Variants in EXOC6B observed in about 807,000 individuals in gnomAD.
EXOC6B encodes exocyst complex component 6B.
Under a neutral mutation model 113.5 loss-of-function variants are expected in EXOC6B, and 54 were observed. The observed-to-expected ratio is 0.48, with a 90% CI of 0.38 to 0.60. The LOEUF (loss-of-function observed/expected upper bound fraction) is 0.60, where lower values mean the gene tolerates loss of function less well. EXOC6B is among the 20% of genes least tolerant of loss of function. The pLI is 0.00. For synonymous variants in EXOC6B, 357 were observed against 339.0 expected (o/e 1.05, Z -0.58); for missense variants, 797 against 977.5 (o/e 0.82, Z 2.46).
intron 6 of EXOC6B, among the ~76,000 whole-genome samples, chr2:72,599,290 T>C (rs1670259972): frequency 6.6e-6 from 1 of 151,868 alleles, no homozygotes; most frequent in Admixed American, 6.6e-5. Flanking sequence ...ATCCATAGGT[T>C]AAAAAAGACA....
Position 72,274,984 on chromosome 2 carries a change from T to C in EXOC6B, c.2196+59963A>G, listed in dbSNP as rs553888658. Among the ~76,000 whole-genome samples, 27 of 152,298 alleles carry C rather than the reference T, an allele frequency of 1.8e-4. 1 individual carries two copies. The South Asian group carries it at 4.8e-3, about 27-fold the overall frequency. The stretch of plus-strand genomic sequence containing the variant: ...AACAGAATGATGCAGAGTTCTTTTT[T>C]ATTCAGTGTGACAAAGGGATGAGAT... On this transcript the variant is annotated intron_variant, in intron 20 of 21. Coordinates refer to ENST00000272427, the MANE Select transcript of EXOC6B (RefSeq NM_015189.3).
chr2:72,295,993 C>T (rs1046291036), intron 20 of EXOC6B, among the ~76,000 whole-genome samples: 2 of 152,032 alleles, frequency 1.3e-5, no homozygotes, highest in African/African-American at 4.8e-5. Flanking sequence ...AATACAAGGA[C>T]ATCCCCTTAA....
At chr2:72,250,973 G>C (rs923161149) in intron 20 of EXOC6B, among the ~76,000 whole-genome samples, 1 of 151,686 alleles carries the variant, frequency 6.6e-6, no homozygotes, top group Non-Finnish European at 1.5e-5. Context: ...GAGTAGCTGG[G>C]TTAGTTGAGT....
chr2:72,482,436 T>C (rs1281480366), intron 16 of EXOC6B, among the ~76,000 whole-genome samples: 1 of 151,810 alleles, frequency 6.6e-6, no homozygotes, highest in African/African-American at 2.4e-5. Context: ...GCGGGGAGTT[T>C]TGGTGTGTAA....
At chr2:72,210,501 C>T (rs1680121828) in intron 20 of EXOC6B, among the ~76,000 whole-genome samples, 1 of 152,192 alleles carries the variant, frequency 6.6e-6, no homozygotes, top group African/African-American at 2.4e-5. Flanking sequence ...CCAGACACAA[C>T]AGATACTCAA....
At chr2:72,506,650 C>G (rs990894715) in intron 11 of EXOC6B, among the ~76,000 whole-genome samples, 1 of 152,068 alleles carries the variant, frequency 6.6e-6, no homozygotes, top group East Asian at 1.9e-4. Flanking sequence ...GTATTAATAA[C>G]CTAGTCTTCT....
intron 19 of EXOC6B, among the ~76,000 whole-genome samples, chr2:72,347,693 T>G (rs1231489720): frequency 1.3e-5 from 2 of 152,178 alleles, no homozygotes; most frequent in African/African-American, 4.8e-5. Flanking sequence ...TTTGTATTCT[T>G]TCAAAATCCA....
chr2:72,282,637 C>T (rs962740284), intron 20 of EXOC6B, among the ~76,000 whole-genome samples: 5 of 151,928 alleles, frequency 3.3e-5, no homozygotes, highest in Non-Finnish European at 5.9e-5. Context: ...CTTATTAGAA[C>T]AAAGAAGCAA....
At chr2:72,463,275 G>A (rs1029079292) in intron 18 of EXOC6B, 1 of 151,914 alleles carries the variant, frequency 6.6e-6, no homozygotes, top group Non-Finnish European at 1.5e-5. Flanking sequence ...TTTGGTATCA[G>A]GATAAAGCTA....
intron 18 of EXOC6B, among the ~76,000 whole-genome samples, chr2:72,386,028 T>C (rs1052080676): frequency 6.6e-6 from 1 of 152,080 alleles, no homozygotes; most frequent in African/African-American, 2.4e-5. Flanking sequence ...CCAAAGGATA[T>C]GAAATCAGTA....
chr2:72,391,383 C>T (rs776760532), intron 18 of EXOC6B, among the ~76,000 whole-genome samples: 1 of 152,014 alleles, frequency 6.6e-6, no homozygotes, highest in South Asian at 2.1e-4. Flanking sequence ...TGTCCTCTGG[C>T]CTTCATCATT....
intron 20 of EXOC6B, among the ~76,000 whole-genome samples, chr2:72,218,534 T>C (rs1309020275): frequency 6.6e-6 from 1 of 152,208 alleles, no homozygotes; most frequent in Non-Finnish European, 1.5e-5. Context: ...CTTCACTGTC[T>C]TCTGACACTG....
chr2:72,315,166 G>C (rs951504928), intron 20 of EXOC6B, among the ~76,000 whole-genome samples: 2 of 152,142 alleles, frequency 1.3e-5, no homozygotes, highest in Non-Finnish European at 2.9e-5. Flanking sequence ...ACCTGAACAA[G>C]ATGAAGGAAC....
chr2:72,632,814 T>G (rs536699006), intron 6 of EXOC6B, among the ~76,000 whole-genome samples: 1 of 152,250 alleles, frequency 6.6e-6, no homozygotes. Context: ...CCCAAATAGC[T>G]GGGACTACAG....
chr2:72,192,413 A>G (rs528320472), intron 20 of EXOC6B, among the ~76,000 whole-genome samples: 11 of 152,322 alleles, frequency 7.2e-5, no homozygotes, highest in Middle Eastern at 3.4e-3. Flanking sequence ...AGAAGGAAGC[A>G]TCAAACAGGA....
intron 8 of EXOC6B, among the ~76,000 whole-genome samples, chr2:72,549,519 G>A (rs546033156): frequency 5.3e-5 from 8 of 152,288 alleles, no homozygotes; most frequent in Non-Finnish European, 1.2e-4. Context: ...TGACTACATA[G>A]ATGATACTAT....
At chr2:72,559,626 C>T (rs1703770620) in intron 7 of EXOC6B, 105 bp from the exon 8 acceptor site, 1 of 799,328 alleles carries the variant, frequency 1.3e-6, no homozygotes, top group African/African-American at 1.8e-5. Flanking sequence ...AAGGCCAGTT[C>T]TAGCTTGTAA....
intron 1 of EXOC6B, among the ~76,000 whole-genome samples, chr2:72,765,372 C>A (rs1160517508): frequency 1.3e-5 from 2 of 152,138 alleles, no homozygotes; most frequent in Admixed American, 6.5e-5. Flanking sequence ...TCCTGAGGGA[C>A]TAACAGAACT....
At chr2:72,418,410 G>T (rs1056644716) in intron 18 of EXOC6B, among the ~76,000 whole-genome samples, 9 of 152,148 alleles carry the variant, frequency 5.9e-5, no homozygotes, top group Non-Finnish European at 1.2e-4. Context: ...GAGAGGAAAA[G>T]TATTGAAGTT....
Sources: gnomAD v4.1 joint callset for allele counts (sites outside exome capture counted in the v4.1 genomes callset) on GRCh38, gnomAD v4.1.1 for gene constraint, MANE v1.5 for transcripts, NCBI Gene and HGNC (gene_info 2026-07-23, HGNC 2026-07-21) for gene names.